Variants in RGS6 observed in about 807,000 individuals in gnomAD.
The protein encoded by RGS6 is regulator of G-protein signaling 6.
In RGS6, 30 loss-of-function variants were observed where a neutral mutation model predicts 78.5. That is an observed-to-expected ratio of 0.38 (90% CI 0.29 to 0.52). The LOEUF (loss-of-function observed/expected upper bound fraction) is 0.52, where lower values mean the gene tolerates loss of function less well. Among genes scored for constraint, RGS6 ranks in the 20% least tolerant of loss-of-function variants. The pLI, the probability that RGS6 is intolerant of heterozygous loss-of-function variation, is 0.85. For synonymous variants in RGS6, 206 were observed against 206.0 expected, an observed-to-expected ratio of 1.00 and a Z score of 0.00; for missense variants, 495 against 609.7, an observed-to-expected ratio of 0.81 and a Z score of 1.98.
intron 3 of RGS6, among the ~76,000 whole-genome samples, chr14:72,432,572 C>A (rs2094695824): frequency 6.6e-6 from 1 of 152,198 alleles, no homozygotes; most frequent in Non-Finnish European, 1.5e-5. Flanking sequence ...AATCAGAAAG[C>A]AATGTATCTT....
At chr14:72,284,193 AGTAGAAAAACCCAT>A (rs1567661131) in intron 2 of RGS6, among the ~76,000 whole-genome samples, 1 of 152,274 alleles carries the variant, frequency 6.6e-6, no homozygotes, top group East Asian at 1.9e-4. Context: ...CTGATGACGC[AGTAGAAAAACCCAT>A]TTTCTGAGGA....
intron 2 of RGS6, among the ~76,000 whole-genome samples, chr14:71,974,615 G>C (rs2094006075): frequency 6.6e-6 from 1 of 152,022 alleles, no homozygotes; most frequent in Non-Finnish European, 1.5e-5. Context: ...GACATTCTAG[G>C]GTATGGTTAG....
At chr14:72,540,949 C>T in intron 17 of RGS6, 1 of 1,224,976 alleles carries the variant, frequency 8.2e-7, no homozygotes. Flanking sequence ...ATGGCTGAGA[C>T]TCTCTACCAT....
At chr14:72,113,146 A>T (rs1344887995) in intron 2 of RGS6, among the ~76,000 whole-genome samples, 1 of 152,188 alleles carries the variant, frequency 6.6e-6, no homozygotes, top group Non-Finnish European at 1.5e-5. Context: ...TGATAAAGTG[A>T]GTAGCTGGGG....
intron 15 of RGS6, among the ~76,000 whole-genome samples, chr14:72,521,767 T>C (rs1368664858): frequency 6.6e-6 from 1 of 152,186 alleles, no homozygotes; most frequent in East Asian, 1.9e-4. Context: ...TCCCTGAGTC[T>C]TCCTTTCCTC....
chr14:72,271,975 C>T (rs2060018995), intron 2 of RGS6, among the ~76,000 whole-genome samples: 1 of 150,340 alleles, frequency 6.7e-6, no homozygotes, highest in African/African-American at 2.5e-5. Context: ...TGTGATGGCA[C>T]TGGGGCCACT....
chr14:71,978,703 A>G (rs893282908), intron 2 of RGS6, among the ~76,000 whole-genome samples: 4 of 151,956 alleles, frequency 2.6e-5, no homozygotes, highest in Non-Finnish European at 5.9e-5. Context: ...ATGTTCATCA[A>G]GGATATTGGT....
At chr14:72,622,168 A>G in the RGS6 span, among the ~76,000 whole-genome samples, 3 of 152,182 alleles carry the variant, frequency 2.0e-5, no homozygotes, top group South Asian at 6.2e-4. Flanking sequence ...ACATTTTTCT[A>G]TGGAAAGAGT....
At chr14:72,428,460 G>C (rs2094509270) in intron 3 of RGS6, among the ~76,000 whole-genome samples, 1 of 152,150 alleles carries the variant, frequency 6.6e-6, no homozygotes, top group South Asian at 2.1e-4. Context: ...GTTTCTGAGA[G>C]AGCCCTAGCA....
chr14:72,072,264 G>T (rs2094434024), intron 2 of RGS6, among the ~76,000 whole-genome samples: 1 of 151,506 alleles, frequency 6.6e-6, no homozygotes, highest in African/African-American at 2.4e-5. Flanking sequence ...TTTATTTTGG[G>T]AAGTGGATGT....
chr14:71,880,314 A>G, the RGS6 span, among the ~76,000 whole-genome samples: 9 of 152,376 alleles, frequency 5.9e-5, no homozygotes, highest in Admixed American at 2.6e-4. Flanking sequence ...CATTTCTGAG[A>G]GAAATTCAAG....
chr14:72,083,587 C>T (rs968633928), intron 2 of RGS6, among the ~76,000 whole-genome samples: 1 of 152,136 alleles, frequency 6.6e-6, no homozygotes. Flanking sequence ...CATGACGTCC[C>T]TCGGATGGAG....
At chr14:72,437,841 G>A (rs954530414) in intron 3 of RGS6, among the ~76,000 whole-genome samples, 17 of 152,204 alleles carry the variant, frequency 1.1e-4, no homozygotes, top group Non-Finnish European at 2.5e-4. Flanking sequence ...CCACTTGGAA[G>A]CAGCGTCCCC....
At chr14:72,202,751 C>A (rs1189040550) in intron 2 of RGS6, among the ~76,000 whole-genome samples, 2 of 152,048 alleles carry the variant, frequency 1.3e-5, no homozygotes, top group Non-Finnish European at 2.9e-5. Context: ...GGAGGGCAGG[C>A]ACGTGTTAAA....
chr14:72,271,353 T>C (rs1215623747), intron 2 of RGS6, among the ~76,000 whole-genome samples: 1 of 152,128 alleles, frequency 6.6e-6, no homozygotes, highest in East Asian at 1.9e-4. Flanking sequence ...TATAAAACCA[T>C]CAGCTCTCAT....
intron 2 of RGS6, among the ~76,000 whole-genome samples, chr14:72,280,005 C>T (rs1168519882): frequency 6.6e-6 from 1 of 152,150 alleles, no homozygotes; most frequent in African/African-American, 2.4e-5. Context: ...TGAGTTTCTA[C>T]TACTACAGGG....
intron 2 of RGS6, among the ~76,000 whole-genome samples, chr14:71,981,784 C>A (rs1246230446): frequency 6.7e-6 from 1 of 150,090 alleles, no homozygotes; most frequent in Non-Finnish European, 1.5e-5. Flanking sequence ...CAGAGGCAGG[C>A]AGGCCTCCTT....
At chr14:72,556,347 A>C (rs188948575) in intron 17 of RGS6, among the ~76,000 whole-genome samples, 40 of 152,184 alleles carry the variant, frequency 2.6e-4, no homozygotes, top group Non-Finnish European at 4.7e-4. Context: ...ATCTCATGAG[A>C]ACTCACTCCC....
In RGS6 at chr14:72,148,986, A is replaced by G. The variant is rs550991158; in HGVS notation, c.84+184111A>G. On this transcript the variant is annotated intron_variant, in intron 2 of 17. Coordinates refer to ENST00000553525, the MANE Select transcript of RGS6 (RefSeq NM_001204424.2). ...GTGCTCATTAATCTGAATTTTGGCAAGGCTTGGTGGATAGCTTATCTCCGC... is the reference window on the plus strand; with the variant it reads ...GTGCTCATTAATCTGAATTTTGGCAGGGCTTGGTGGATAGCTTATCTCCGC... Among the ~76,000 whole-genome samples, 13 of 152,344 alleles carry G rather than the reference A, an allele frequency of 8.5e-5. No homozygotes were observed. The East Asian group carries it at 2.1e-3, about 25-fold the overall frequency.
Sources: gnomAD v4.1 joint callset for allele counts (sites outside exome capture counted in the v4.1 genomes callset) on GRCh38, gnomAD v4.1.1 for gene constraint, MANE v1.5 for transcripts, NCBI Gene and HGNC (gene_info 2026-07-23, HGNC 2026-07-21) for gene names.